Variants in NBEA observed in about 807,000 individuals in gnomAD.
NBEA encodes neurobeachin, also known as lysosomal-trafficking regulator 2.
NBEA carries 44 observed loss-of-function variants against 343.4 expected under a neutral mutation model. The ratio of observed to expected loss-of-function variants is 0.13; its 90% CI spans 0.10 to 0.16. The LOEUF is 0.16. Ranked by LOEUF, NBEA falls within the 10% of genes least tolerant of loss-of-function variation. NBEA has a pLI of 1.00. For missense variants in NBEA, 2,555 were observed against 3,631.3 expected, an observed-to-expected ratio of 0.70 and a Z score of 7.62; for synonymous variants, 1,175 against 1,238.7, an observed-to-expected ratio of 0.95 and a Z score of 1.08.
At position 35,308,462 on chromosome 13, in the gene NBEA, A is replaced by G. The variant is rs796214691; in HGVS notation, c.5839-1066A>G. 7.8e-3 allele frequency among the ~76,000 whole-genome samples: 853 copies of G among 109,870 alleles called. 21 individuals are homozygous for G. The highest frequency in any genetic ancestry group is 0.017 in the South Asian group (62 of 3,640). The allele number at this position is 109,870 out of a possible 152,430, so 72.1% of individuals were successfully genotyped here. On this transcript the variant is annotated intron_variant, in intron 35 of 58. Transcript: ENST00000379939. ...ACTATATATATATATATATATATAT[A>G]TATATATATATGTATATATATATGT...
chr13:35,411,462 CT>C (rs199640430), intron 38 of NBEA, among the ~76,000 whole-genome samples: 103 of 146,054 alleles, frequency 7.1e-4, no homozygotes, highest in Admixed American at 8.2e-4. Context: ...CTTGTCTCTT[CT>C]TTTTTTTTTT....
chr13:35,159,169 A>G lies in NBEA; in HGVS notation c.2998A>G (p.Ile1000Val), dbSNP rs1253468262. 2.5e-6 allele frequency: 4 copies of G among 1,613,496 alleles called. No individual in the cohort carries two copies. The Admixed American group carries it at 6.7e-5, about 27-fold the overall frequency. The change falls in exon 22 of 59, where the codon ATT (isoleucine) becomes GTT (valine). Residue 1000 changes from isoleucine (I) to valine (V), a missense_variant. Ile to Val is a conservative substitution (Grantham distance 29). Coordinates refer to ENST00000379939, the MANE Select transcript of NBEA (RefSeq NM_001385012.1). The part of the protein sequence containing the change: ...QTTGAKGGME[I>V]REIEDLSQSQ... ...AACAGGAGCAAAAGGTGGAATGGAA[A>G]TTCGAGAGATAGAAGATCTTTCACA...
rs1566460974 is a variant in NBEA at position 35,208,821 on chromosome 13, G to A, written c.5488G>A (p.Gly1830Arg). ...GSTSNIFAAT[G>R]ATPKSMINTT... ...TACCTCTAATATATTTGCTGCTACTGGAGCTACACCAAAAAGTATGATTAA... is the reference window on the plus strand; with the variant it reads ...TACCTCTAATATATTTGCTGCTACTAGAGCTACACCAAAAAGTATGATTAA... Residue 1830 changes from glycine (G) to arginine (R), a missense_variant, in exon 32 of 59, where the codon GGA becomes AGA. Physicochemically the swap from Gly to Arg is moderately radical, Grantham distance 125. Coordinates refer to ENST00000379939, the MANE Select transcript of NBEA (RefSeq NM_001385012.1). 6.2e-7 allele frequency: 1 copy of A among 1,606,114 alleles called. No individual in the cohort carries two copies. The highest frequency in any genetic ancestry group is 8.5e-7 in the Non-Finnish European group (1 of 1,175,396).
At chr13:35,525,579 CAAAT>C (rs1304456047) in intron 41 of NBEA, among the ~76,000 whole-genome samples, 3 of 151,282 alleles carry the variant, frequency 2.0e-5, no homozygotes, top group African/African-American at 7.3e-5. Flanking sequence ...AAATAAATAA[CAAAT>C]AAAAAACAAA....
At chr13:35,457,658 G>T (rs2046657711) in intron 40 of NBEA, among the ~76,000 whole-genome samples, 1 of 152,054 alleles carries the variant, frequency 6.6e-6, no homozygotes, top group African/African-American at 2.4e-5. Context: ...ACCCAGGCTG[G>T]ACTGCAGTGG....
chr13:35,413,220 G>A (rs1392651910), intron 38 of NBEA, among the ~76,000 whole-genome samples: 1 of 152,054 alleles, frequency 6.6e-6, no homozygotes, highest in African/African-American at 2.4e-5. Flanking sequence ...TGAAGGAGAG[G>A]ATAACCATTT....
chr13:34,960,256 T>C (rs1055264727), intron 1 of NBEA, among the ~76,000 whole-genome samples: 2 of 152,108 alleles, frequency 1.3e-5, no homozygotes, highest in African/African-American at 4.8e-5. Context: ...AAAAAGGTTA[T>C]AGAATAAGAT....
Position 35,659,492 on chromosome 13 carries a change from G to A in NBEA, c.8362+3743G>A, listed in dbSNP as rs143461524. ...ATGTCATGTTTGTGAAATCTTTTTGGCAGGTATAGAAAGTATGTATGGTTT... is the reference window on the plus strand; with the variant it reads ...ATGTCATGTTTGTGAAATCTTTTTGACAGGTATAGAAAGTATGTATGGTTT... On this transcript the variant is annotated intron_variant, in intron 55 of 58. Transcript: ENST00000379939. Among the ~76,000 whole-genome samples, 568 of 152,196 alleles carry A rather than the reference G, an allele frequency of 3.7e-3. 4 individuals are homozygous for A. The highest frequency in any genetic ancestry group is 4.4e-3 in the Non-Finnish European group (301 of 68,002).
intron 44 of NBEA, among the ~76,000 whole-genome samples, chr13:35,561,125 G>A (rs373636363): frequency 3.9e-4 from 60 of 152,144 alleles, no homozygotes; most frequent in Non-Finnish European, 4.9e-4. Context: ...ATATAGCACC[G>A]TCAGTATCAC....
chr13:35,011,866 A>C (rs1180152922), intron 1 of NBEA, among the ~76,000 whole-genome samples: 2 of 152,218 alleles, frequency 1.3e-5, no homozygotes, highest in Non-Finnish European at 2.9e-5. Context: ...TGACTATCCA[A>C]AACATTCTTT....
chr13:35,552,494 A>C (rs1264920764), intron 43 of NBEA, among the ~76,000 whole-genome samples: 1 of 152,224 alleles, frequency 6.6e-6, no homozygotes, highest in Non-Finnish European at 1.5e-5. Flanking sequence ...TCTATCAAAG[A>C]AAATGAGGTT....
At chr13:35,648,898 C>A (rs1006628180) in intron 51 of NBEA, among the ~76,000 whole-genome samples, 1 of 152,022 alleles carries the variant, frequency 6.6e-6, no homozygotes, top group African/African-American at 2.4e-5. Context: ...TCAGGAAGAA[C>A]AGCTAATGTA....
chr13:35,432,799 C>G (rs942993780), intron 39 of NBEA, among the ~76,000 whole-genome samples: 1 of 151,400 alleles, frequency 6.6e-6, no homozygotes, highest in Non-Finnish European at 1.5e-5. Context: ...TGTGTACATA[C>G]TTATATATAC....
chr13:35,591,406 A>G (rs1403618233), intron 46 of NBEA, among the ~76,000 whole-genome samples: 3 of 152,090 alleles, frequency 2.0e-5, no homozygotes, highest in Non-Finnish European at 4.4e-5. Context: ...TAAATTAGTG[A>G]AAGACATGTC....
intron 36 of NBEA, among the ~76,000 whole-genome samples, chr13:35,345,809 T>G (rs1462839310): frequency 6.6e-6 from 1 of 152,056 alleles, no homozygotes; most frequent in Non-Finnish European, 1.5e-5. Flanking sequence ...GAGAGTAGAC[T>G]TAAAGCATAA....
At chr13:35,325,512 A>T (rs2038487529) in intron 36 of NBEA, among the ~76,000 whole-genome samples, 1 of 152,080 alleles carries the variant, frequency 6.6e-6, no homozygotes, top group African/African-American at 2.4e-5. Context: ...TTTATGAGAT[A>T]TCGTAATACT....
chr13:35,553,854 G>C (rs1375144760), intron 43 of NBEA, among the ~76,000 whole-genome samples: 1 of 152,116 alleles, frequency 6.6e-6, no homozygotes, highest in African/African-American at 2.4e-5. Flanking sequence ...CAAACTATTT[G>C]CTCGAGTTAG....
intron 48 of NBEA, among the ~76,000 whole-genome samples, chr13:35,616,883 T>C (rs1026439481): frequency 6.6e-6 from 1 of 152,232 alleles, no homozygotes; most frequent in Admixed American, 6.5e-5. Context: ...ATAAGCAGAC[T>C]TTATTCAAAG....
intron 38 of NBEA, among the ~76,000 whole-genome samples, chr13:35,371,031 G>GT (rs1427471780): frequency 6.6e-6 from 1 of 151,886 alleles, no homozygotes; most frequent in Non-Finnish European, 1.5e-5. Flanking sequence ...TTCTTTTGCT[G>GT]TTTTTTGAAT....
Sources: gnomAD v4.1 joint callset for allele counts (sites outside exome capture counted in the v4.1 genomes callset) on GRCh38, gnomAD v4.1.1 for gene constraint, MANE v1.5 for transcripts, NCBI Gene and HGNC (gene_info 2026-07-23, HGNC 2026-07-21) for gene names.